IGF1R: variants seen among roughly 807,000 people sequenced by gnomAD.
IGF1R encodes insulin-like growth factor 1 receptor.
A neutral mutation model predicts 144.6 loss-of-function variants in IGF1R; 44 were observed. That is an observed-to-expected ratio of 0.30 (90% CI 0.24 to 0.39). The LOEUF is 0.39. Ranked by LOEUF, IGF1R falls within the 10% of genes least tolerant of loss-of-function variation. The pLI, the probability that IGF1R is intolerant of heterozygous loss-of-function variation, is 1.00. For missense variants in IGF1R, 1,355 were observed against 1,833.7 expected (o/e 0.74, Z 4.77); for synonymous variants, 795 against 722.8 (o/e 1.10, Z -1.60).
At chr15:98,849,652 A>G (rs1326537217) in intron 2 of IGF1R, among the ~76,000 whole-genome samples, 3 of 152,392 alleles carry the variant, frequency 2.0e-5, no homozygotes, top group South Asian at 2.1e-4. Flanking sequence ...TGAAACTTCT[A>G]TCACAAAGAG....
At chr15:98,671,227 A>C (rs1265391249) in intron 1 of IGF1R, among the ~76,000 whole-genome samples, 1 of 152,146 alleles carries the variant, frequency 6.6e-6, no homozygotes, top group Non-Finnish European at 1.5e-5. Context: ...ACTTAGACTT[A>C]GCAAAAATCA....
rs190030773 is a variant in IGF1R, at chr15:98,703,279, C to T, written c.95-4283C>T. Among the ~76,000 whole-genome samples, 52 of 152,280 alleles carry T rather than the reference C, an allele frequency of 3.4e-4. No individual in the cohort carries two copies. The East Asian group carries it at 5.4e-3, about 16-fold the overall frequency. On this transcript the variant is annotated intron_variant, in intron 1 of 20. Transcript: ENST00000650285. Reference sequence around the variant, plus strand: ...TATTTTGCATTTTCCTTTTAATCATCGGTGAGTAGCCACAAAGGGTGTGTC... The same window carrying T: ...TATTTTGCATTTTCCTTTTAATCATTGGTGAGTAGCCACAAAGGGTGTGTC...
Sources: allele counts gnomAD v4.1 joint callset (sites outside exome capture counted in the v4.1 genomes callset), GRCh38; gene constraint gnomAD v4.1.1; transcripts MANE v1.5; gene names NCBI Gene and HGNC (gene_info 2026-07-23, HGNC 2026-07-21).